TNFRSF10D: variants seen among roughly 807,000 people sequenced by gnomAD.
The protein encoded by TNFRSF10D is tumor necrosis factor receptor superfamily member 10D.
Under a neutral mutation model 42.1 loss-of-function variants are expected in TNFRSF10D, and 28 were observed. The observed-to-expected ratio is 0.66, with a 90% confidence interval of 0.49 to 0.91. The LOEUF is 0.91. Ranked by LOEUF, TNFRSF10D falls within the 40% of genes least tolerant of loss-of-function variation. The pLI is 0.00. For missense variants in TNFRSF10D, 503 were observed against 486.1 expected (o/e 1.03, Z -0.33); for synonymous variants, 186 against 189.4 (o/e 0.98, Z 0.15).
chr8:23,148,521 C>T lies in TNFRSF10D; in HGVS notation c.287G>A (p.Cys96Tyr). 6.2e-7 allele frequency: 1 copy of T among 1,610,246 alleles called. No individual in the cohort carries two copies. The highest frequency in any genetic ancestry group is 8.5e-7 in the Non-Finnish European group (1 of 1,177,458). The stretch of plus-strand genomic sequence containing the variant: ...ATCCACACCCTCTGTGCACGGGTTA[C>T]AGGCTCCAGTATATTCTGATCTATG... ...GSHRSEYTGACNPCTEGVDYT... is the reference protein window; with the variant it reads ...GSHRSEYTGAYNPCTEGVDYT... Residue 96 changes from cysteine (C) to tyrosine (Y), a missense_variant, in exon 3 of 9, where the codon TGT becomes TAT. Physicochemically the swap from Cys to Tyr is radical, Grantham distance 194. Transcript: ENST00000312584.
intron 7 of TNFRSF10D, 62 bp downstream of exon 7, chr8:23,144,388 A>G: frequency 6.4e-7 from 1 of 1,553,478 alleles, no homozygotes; most frequent in Non-Finnish European, 8.7e-7. Context: ...GCCATGTCCC[A>G]CTGTCTACAA....
At chr8:23,146,055 GT>G (rs1177413407) in intron 4 of TNFRSF10D, 134 bp from the exon 5 acceptor site, 2 of 1,211,042 alleles carry the variant, frequency 1.7e-6, no homozygotes, top group Admixed American at 1.8e-5. Context: ...TCAGCAGTGG[GT>G]CCCCCTGTGC....
chr8:23,143,429 G>C (rs1297280387), intron 7 of TNFRSF10D, among the ~76,000 whole-genome samples: 1 of 152,144 alleles, frequency 6.6e-6, no homozygotes. Context: ...AGGAGTTTGA[G>C]ACCAGCCTGG....
chr8:23,153,078 C>T (rs143804989), intron 2 of TNFRSF10D, among the ~76,000 whole-genome samples: 823 of 151,958 alleles, frequency 5.4e-3, no homozygotes, highest in African/African-American at 0.017. Context: ...AATGCATTTA[C>T]AGTCAACTGA....
rs145254525 is a variant in TNFRSF10D, at chr8:23,138,047, G to A, written c.1028-44C>T. The stretch of plus-strand genomic sequence containing the variant: ...TTTAGGGTCTCAATGCTCCAAGGAC[G>A]ATCAGCACAGGATCGACATGGGGCC... On this transcript the variant is annotated intron_variant, in intron 8 of 8. Coordinates refer to ENST00000312584, the MANE Select transcript of TNFRSF10D (RefSeq NM_003840.5). The A allele has an allele frequency of 1.5e-3, 2,481 of 1,610,818 alleles. No individual in the cohort carries two copies. The African/African-American group carries it at 0.018, about 11-fold the overall frequency.
intron 2 of TNFRSF10D, among the ~76,000 whole-genome samples, chr8:23,153,454 A>G (rs1800234746): frequency 6.6e-6 from 1 of 152,230 alleles, no homozygotes; most frequent in African/African-American, 2.4e-5. Context: ...TGAGAGATCA[A>G]TATCCAAAAG....
intron 1 of TNFRSF10D, among the ~76,000 whole-genome samples, chr8:23,163,339 G>A (rs1800402581): frequency 6.6e-6 from 1 of 152,090 alleles, no homozygotes; most frequent in Non-Finnish European, 1.5e-5. Context: ...CTGACCTCAG[G>A]TGATCCGCCC....
chr8:23,152,651 T>A (rs1220439831), intron 2 of TNFRSF10D, among the ~76,000 whole-genome samples: 1 of 152,226 alleles, frequency 6.6e-6, no homozygotes, highest in East Asian at 1.9e-4. Context: ...CAGCAACTCT[T>A]TTAAATAAAT....
intron 1 of TNFRSF10D, among the ~76,000 whole-genome samples, chr8:23,162,527 A>C (rs1261081108): frequency 1.3e-5 from 2 of 150,914 alleles, no homozygotes; most frequent in Non-Finnish European, 2.9e-5. Flanking sequence ...TTTTGGTATT[A>C]CGTAAGAAAC....
chr8:23,162,759 G>C lies in TNFRSF10D; in HGVS notation c.150+1027C>G, dbSNP rs117026869. On this transcript the variant is annotated intron_variant, in intron 1 of 8. Transcript: ENST00000312584. The stretch of plus-strand genomic sequence containing the variant: ...CACACGGGTGGCAGTGGAAGACACT[G>C]ACTGCAAGCACCTTGGTTAACCGCT... Among the ~76,000 whole-genome samples, 421 of 152,310 alleles carry C rather than the reference G, an allele frequency of 2.8e-3. 2 individuals are homozygous for C. The highest frequency in any genetic ancestry group is 0.027 in the East Asian group (138 of 5,186).
At chr8:23,162,052 A>ACCC (rs112199646) in intron 1 of TNFRSF10D, among the ~76,000 whole-genome samples, 25,932 of 152,164 alleles carry the variant, frequency 0.17, 2,930 homozygotes, top group East Asian at 0.59. Flanking sequence ...GCAACAGTGA[A>ACCC]TTAACCTGTG....
rs778888071 is a variant in TNFRSF10D, at chr8:23,145,856, T to A, written c.548A>T (p.Glu183Val). 3 of 1,614,166 alleles carry A rather than the reference T, an allele frequency of 1.9e-6. No individual in the cohort carries two copies. The East Asian group carries it at 6.7e-5, about 36-fold the overall frequency. ...TTTCCCAGTGGAACTGGCAGCTGAT[T>A]CATTTTTGCACTTGATGTCACTCCG... ...TPRSDIKCKN[E>V]SAASSTGKTP... is the part of the protein sequence containing the mutation. The change falls in exon 5 of 9, where the codon GAA becomes GTA. Residue 183 changes from glutamate to valine, a missense_variant. Glu to Val is a moderately radical substitution (Grantham distance 121). Coordinates refer to ENST00000312584, the MANE Select transcript of TNFRSF10D (RefSeq NM_003840.5).
intron 7 of TNFRSF10D, among the ~76,000 whole-genome samples, chr8:23,140,175 G>C (rs1814430453): frequency 6.6e-6 from 1 of 152,126 alleles, no homozygotes; most frequent in African/African-American, 2.4e-5. Flanking sequence ...TGTAATCCCA[G>C]CTGCTGGGGA....
chr8:23,158,241 ATTCT>A (rs1329908668), intron 1 of TNFRSF10D, among the ~76,000 whole-genome samples: 31 of 152,028 alleles, frequency 2.0e-4, no homozygotes, highest in African/African-American at 7.5e-4. Context: ...CCTCAGTCCA[ATTCT>A]TTCTTCTCAG....
Position 23,136,706 on chromosome 8 carries a change from A to G in TNFRSF10D, c.*1164T>C, listed in dbSNP as rs1013206943. On this transcript the variant is annotated 3_prime_UTR_variant, in exon 9 of 9. Coordinates refer to ENST00000312584, the MANE Select transcript of TNFRSF10D (RefSeq NM_003840.5). ...GAAGATGCAGTCCCATGACTGTCCC[A>G]GCACGACAAACCAGACACATGGCTT... 1 of 152,224 alleles carries G rather than the reference A, an allele frequency of 6.6e-6. No homozygotes were observed. The highest frequency in any genetic ancestry group is 2.4e-5 in the African/African-American group (1 of 41,452). 9.4% of individuals were successfully genotyped at this position (152,224 alleles called of 1,614,324 possible). A position where few individuals can be genotyped will look rare whatever the true frequency, so the allele number is the denominator to read the frequency against.
intron 1 of TNFRSF10D, among the ~76,000 whole-genome samples, chr8:23,156,947 C>T (rs1390127079): frequency 1.3e-5 from 2 of 152,088 alleles, no homozygotes; most frequent in Admixed American, 6.5e-5. Flanking sequence ...TAAATTTATG[C>T]TTATATTTTA....
At chr8:23,149,123 G>T (rs1029386916) in intron 2 of TNFRSF10D, among the ~76,000 whole-genome samples, 14 of 141,036 alleles carry the variant, frequency 9.9e-5, no homozygotes, top group Non-Finnish European at 1.8e-4. Flanking sequence ...CCGGGAGGCA[G>T]AGCTTGCAGT....
intron 1 of TNFRSF10D, among the ~76,000 whole-genome samples, chr8:23,163,570 G>T (rs1414230561): frequency 6.6e-6 from 1 of 152,154 alleles, no homozygotes; most frequent in Non-Finnish European, 1.5e-5. Context: ...GGACAGCCAG[G>T]GGGAGCGCGC....
intron 7 of TNFRSF10D, among the ~76,000 whole-genome samples, chr8:23,140,462 G>T (rs192063383): frequency 2.0e-5 from 3 of 151,464 alleles, no homozygotes; most frequent in Non-Finnish European, 4.4e-5. Flanking sequence ...AGATCTCTAA[G>T]AGAATTACAA....
Sources: allele counts gnomAD v4.1 joint callset (sites outside exome capture counted in the v4.1 genomes callset), GRCh38; gene constraint gnomAD v4.1.1; transcripts MANE v1.5; gene names NCBI Gene and HGNC (gene_info 2026-07-23, HGNC 2026-07-21).